The following CTNNA3 variants were observed in gnomAD, a reference collection of about 807,000 sequenced individuals.
CTNNA3 encodes catenin alpha-3.
A neutral mutation model predicts 95.7 loss-of-function variants in CTNNA3; 76 were observed. That is an observed-to-expected ratio of 0.79 (90% CI 0.66 to 0.96). The LOEUF is 0.96. Among genes scored for constraint, CTNNA3 ranks in the 40% least tolerant of loss-of-function variants. The pLI, the probability that CTNNA3 is intolerant of heterozygous loss-of-function variation, is 0.00. For synonymous variants in CTNNA3, 431 were observed against 374.4 expected, an observed-to-expected ratio of 1.15 and a Z score of -1.74; for missense variants, 1,191 against 1,089.8, an observed-to-expected ratio of 1.09 and a Z score of -1.31.
chr10:66,884,303 A>G (rs1844959611), intron 7 of CTNNA3, among the ~76,000 whole-genome samples: 1 of 151,930 alleles, frequency 6.6e-6, no homozygotes, highest in Non-Finnish European at 1.5e-5. Flanking sequence ...TATTTGATGC[A>G]CCTCCCTTCA....
At chr10:67,258,010 T>A (rs1004197287) in intron 5 of CTNNA3, among the ~76,000 whole-genome samples, 16 of 152,206 alleles carry the variant, frequency 1.1e-4, no homozygotes, top group African/African-American at 3.9e-4. Flanking sequence ...GCCTAATGTG[T>A]GTGTCAGACA....
chr10:66,652,096 C>T (rs968065967), intron 9 of CTNNA3, among the ~76,000 whole-genome samples: 6 of 15,668 alleles, frequency 3.8e-4, no homozygotes, highest in Non-Finnish European at 7.1e-4. Context: ...CCTCAAGGAA[C>T]TAAAAAAAAA....
intron 7 of CTNNA3, among the ~76,000 whole-genome samples, chr10:67,120,017 T>A (rs1311273198): frequency 6.6e-6 from 1 of 151,872 alleles, no homozygotes; most frequent in Non-Finnish European, 1.5e-5. Context: ...ATAAAGAGAT[T>A]TGTCATGGTA....
intron 1 of CTNNA3, among the ~76,000 whole-genome samples, chr10:67,741,813 T>C (rs1047748763): frequency 1.3e-5 from 2 of 150,994 alleles, no homozygotes; most frequent in Admixed American, 6.6e-5. Context: ...TAGAGGAAGA[T>C]CTACCAAGCA....
At chr10:66,578,042 C>T (rs1401244293) in intron 10 of CTNNA3, among the ~76,000 whole-genome samples, 3 of 151,878 alleles carry the variant, frequency 2.0e-5, no homozygotes, top group Admixed American at 2.0e-4. Flanking sequence ...TCTTTAAGGT[C>T]CTTAGTAAGC....
rs1460976033 is a variant in CTNNA3 at position 66,845,719 on chromosome 10, A to ATAAATAAATAAATAAAT, written c.1048-70196_1048-70195insATTTATTTATTTATTTA. Reference sequence around the variant, plus strand: ...ACTCTGTCTCAAAAAAAAAAAAAAAAAAAAAAAAAACTAAAAAGGTGAGAT... The same window carrying ATAAATAAATAAATAAAT: ...ACTCTGTCTCAAAAAAAAAAAAAAAATAAATAAATAAATAAATAAAAAAAAAACTAAAAAGGTGAGAT... On this transcript the variant is annotated intron_variant, in intron 7 of 17. Transcript: ENST00000433211. Among the ~76,000 whole-genome samples, 112 of 73,266 alleles carry ATAAATAAATAAATAAAT rather than the reference A, an allele frequency of 1.5e-3. 3 individuals are homozygous for ATAAATAAATAAATAAAT. Among genetic ancestry groups the ATAAATAAATAAATAAAT allele is most frequent in the Admixed American group, 3.1e-3 (23 of 7,498 alleles). 48.1% of individuals were successfully genotyped at this position (73,266 alleles called of 152,430 possible).
Position 65,920,494 on chromosome 10 carries a change from G to C in CTNNA3, c.2524C>G (p.Arg842Gly). Residue 842 changes from arginine to glycine, a missense_variant, in exon 18 of 18, where the codon CGG becomes GGG. Arg to Gly is a moderately radical substitution (Grantham distance 125). Coordinates refer to ENST00000433211, the MANE Select transcript of CTNNA3 (RefSeq NM_013266.4). ...ATTCTCCACATCACAACTGGGTGCC[G>C]GGGCCCAGCAGGACTCTGGATTCGG... is the stretch of plus-strand genomic sequence containing the variant. ...IIRIQSPAGP[R>G]HPVVMWRMKA... 1 of 1,614,082 alleles carries C rather than the reference G, an allele frequency of 6.2e-7. No individual in the cohort carries two copies. The highest frequency in any genetic ancestry group is 1.1e-5 in the South Asian group (1 of 91,078).
intron 15 of CTNNA3, among the ~76,000 whole-genome samples, chr10:66,002,299 A>G (rs1455194222): frequency 6.6e-6 from 1 of 152,188 alleles, no homozygotes; most frequent in Non-Finnish European, 1.5e-5. Context: ...GTAAAGTGTC[A>G]TTCCAAAGTT....
intron 5 of CTNNA3, among the ~76,000 whole-genome samples, chr10:67,403,149 C>A (rs560968016): frequency 6.6e-6 from 1 of 152,262 alleles, no homozygotes; most frequent in Admixed American, 6.5e-5. Context: ...AGTAAGGGAC[C>A]CCCAGCACAG....
chr10:67,056,664 C>T (rs1227472119), intron 7 of CTNNA3, among the ~76,000 whole-genome samples: 1 of 152,062 alleles, frequency 6.6e-6, no homozygotes, highest in Non-Finnish European at 1.5e-5. Flanking sequence ...AAACACAAAC[C>T]CAACAGTCCT....
At chr10:66,842,140 T>C (rs1414371581) in intron 7 of CTNNA3, among the ~76,000 whole-genome samples, 1 of 151,784 alleles carries the variant, frequency 6.6e-6, no homozygotes. Flanking sequence ...ATGCAGTCTC[T>C]CTATGTTGCC....
At chr10:67,517,561 A>T (rs903066863) in intron 5 of CTNNA3, among the ~76,000 whole-genome samples, 1 of 152,154 alleles carries the variant, frequency 6.6e-6, no homozygotes, top group African/African-American at 2.4e-5. Flanking sequence ...CTAAAAAAGT[A>T]CCATGTGCTG....
At chr10:66,863,553 A>G (rs1171931866) in intron 7 of CTNNA3, among the ~76,000 whole-genome samples, 1 of 152,180 alleles carries the variant, frequency 6.6e-6, no homozygotes, top group Non-Finnish European at 1.5e-5. Flanking sequence ...AGAAGATGAA[A>G]TAAGTTGAAA....
chr10:67,365,388 A>G (rs1214302594), intron 5 of CTNNA3, among the ~76,000 whole-genome samples: 1 of 152,216 alleles, frequency 6.6e-6, no homozygotes, highest in African/African-American at 2.4e-5. Flanking sequence ...ATCTAATTAA[A>G]CTAAAGAGCT....
intron 5 of CTNNA3, among the ~76,000 whole-genome samples, chr10:67,231,184 A>C (rs999318040): frequency 4.6e-5 from 7 of 152,254 alleles, no homozygotes; most frequent in Admixed American, 6.5e-5. Context: ...CAGCTCAAGG[A>C]GGCCTGCCTG....
chr10:66,785,609 G>A (rs999878169), intron 7 of CTNNA3, among the ~76,000 whole-genome samples: 1 of 152,110 alleles, frequency 6.6e-6, no homozygotes, highest in Non-Finnish European at 1.5e-5. Context: ...CTTGGACTGG[G>A]AGTTACACCA....
chr10:66,775,150 T>A (rs1399751714), intron 8 of CTNNA3, among the ~76,000 whole-genome samples: 2 of 152,162 alleles, frequency 1.3e-5, no homozygotes, highest in African/African-American at 4.8e-5. Flanking sequence ...TTGTATAGGT[T>A]CAAAGCAGCT....
intron 7 of CTNNA3, among the ~76,000 whole-genome samples, chr10:67,072,526 C>G (rs978595505): frequency 2.0e-5 from 3 of 152,116 alleles, no homozygotes; most frequent in African/African-American, 4.8e-5. Flanking sequence ...TTCTCACTTT[C>G]GATATTAAGC....
intron 5 of CTNNA3, 36 bp from the exon 6 acceptor site, chr10:67,219,906 T>G: frequency 1.3e-6 from 2 of 1,498,546 alleles, no homozygotes; most frequent in East Asian, 2.3e-5. Flanking sequence ...TATCTTACAA[T>G]GGGTTATGGG....
Sources: gnomAD v4.1 joint callset for allele counts (sites outside exome capture counted in the v4.1 genomes callset) on GRCh38, gnomAD v4.1.1 for gene constraint, MANE v1.5 for transcripts, NCBI Gene and HGNC (gene_info 2026-07-23, HGNC 2026-07-21) for gene names.